The following CNTNAP5 variants were observed in gnomAD, a reference collection of about 807,000 sequenced individuals.
CNTNAP5 encodes the protein contactin associated protein family member 5.
Under a neutral mutation model 150.2 loss-of-function variants are expected in CNTNAP5, and 72 were observed. The observed-to-expected ratio is 0.48, with a 90% CI of 0.40 to 0.58. The LOEUF is 0.58. Ranked by LOEUF, CNTNAP5 falls within the 20% of genes least tolerant of loss-of-function variation. CNTNAP5 has a pLI of 0.00. For missense variants in CNTNAP5, 1,636 were observed against 1,626.2 expected, an observed-to-expected ratio of 1.01 and a Z score of -0.10; for synonymous variants, 672 against 619.8, an observed-to-expected ratio of 1.08 and a Z score of -1.25.
chr2:124,066,852 C>T (rs1034822531), intron 1 of CNTNAP5, among the ~76,000 whole-genome samples: 2 of 152,106 alleles, frequency 1.3e-5, no homozygotes, highest in African/African-American at 4.8e-5. Flanking sequence ...TATATCTATA[C>T]ATGTCAACAT....
intron 16 of CNTNAP5, among the ~76,000 whole-genome samples, chr2:124,764,693 A>G (rs920558240): frequency 6.6e-6 from 1 of 152,188 alleles, no homozygotes. Flanking sequence ...CATATCCTAC[A>G]TATAAACTAT....
chr2:124,431,029 A>G (rs1232149360), intron 4 of CNTNAP5, among the ~76,000 whole-genome samples: 2 of 152,186 alleles, frequency 1.3e-5, no homozygotes, highest in African/African-American at 4.8e-5. Flanking sequence ...CTGGAGCTCA[A>G]AGAAATCAAG....
intron 3 of CNTNAP5, among the ~76,000 whole-genome samples, chr2:124,334,584 A>G (rs1302981350): frequency 6.6e-6 from 1 of 152,168 alleles, no homozygotes; most frequent in Non-Finnish European, 1.5e-5. Flanking sequence ...TTTTAATAAA[A>G]CAGTTTTTTA....
intron 1 of CNTNAP5, among the ~76,000 whole-genome samples, chr2:124,042,816 A>ATCTT (rs1300992908): frequency 6.6e-6 from 1 of 151,014 alleles, no homozygotes; most frequent in Non-Finnish European, 1.5e-5. Context: ...CTATCTATCT[A>ATCTT]TCTATCTATC....
At chr2:124,327,275 C>T (rs760423063) in intron 3 of CNTNAP5, among the ~76,000 whole-genome samples, 17 of 151,834 alleles carry the variant, frequency 1.1e-4, no homozygotes, top group Non-Finnish European at 2.5e-4. Flanking sequence ...CCACTGCGCC[C>T]GGCAGATCCT....
intron 13 of CNTNAP5, among the ~76,000 whole-genome samples, chr2:124,745,785 T>C (rs12468133): frequency 0.26 from 39,036 of 152,050 alleles, 5,664 homozygotes; most frequent in Non-Finnish European, 0.34. Context: ...GGCCCTCTGC[T>C]TCATGAATCA....
chr2:124,913,490 A>G (rs567143485), intron 23 of CNTNAP5, among the ~76,000 whole-genome samples: 5 of 152,106 alleles, frequency 3.3e-5, no homozygotes, highest in African/African-American at 1.2e-4. Context: ...TGAGTTTCTC[A>G]AGAACAGAGG....
intron 1 of CNTNAP5, among the ~76,000 whole-genome samples, chr2:124,212,083 A>G (rs1277887754): frequency 6.6e-6 from 1 of 152,200 alleles, no homozygotes; most frequent in Non-Finnish European, 1.5e-5. Flanking sequence ...GTCTTTACAA[A>G]TTCTTTAGTT....
At chr2:124,168,698 A>G (rs1249571170) in intron 1 of CNTNAP5, among the ~76,000 whole-genome samples, 2 of 152,228 alleles carry the variant, frequency 1.3e-5, no homozygotes, top group Non-Finnish European at 2.9e-5. Flanking sequence ...AGACATTAAC[A>G]TATGTCATCC....
intron 3 of CNTNAP5, among the ~76,000 whole-genome samples, chr2:124,296,169 A>G (rs757312059): frequency 1.3e-5 from 2 of 151,866 alleles, no homozygotes; most frequent in African/African-American, 4.8e-5. Flanking sequence ...TTTTCATGCA[A>G]TGTGTCAAGG....
intron 19 of CNTNAP5, among the ~76,000 whole-genome samples, chr2:124,827,760 T>C (rs1682628888): frequency 1.3e-5 from 2 of 152,232 alleles, no homozygotes; most frequent in African/African-American, 4.8e-5. Context: ...TAGCTCTATG[T>C]TAGGCTCATA....
chr2:124,397,296 G>T (rs1020392230), intron 3 of CNTNAP5, among the ~76,000 whole-genome samples: 1 of 152,188 alleles, frequency 6.6e-6, no homozygotes, highest in African/African-American at 2.4e-5. Context: ...AGTTCTGGAG[G>T]TTGGGAAGTC....
chr2:124,864,446 G>T (rs946978939), intron 19 of CNTNAP5, among the ~76,000 whole-genome samples: 2 of 151,422 alleles, frequency 1.3e-5, no homozygotes, highest in African/African-American at 4.9e-5. Flanking sequence ...TAGAACACTA[G>T]AACTTATTCC....
intron 3 of CNTNAP5, among the ~76,000 whole-genome samples, chr2:124,268,146 G>A (rs1420218391): frequency 2.0e-5 from 3 of 152,184 alleles, no homozygotes; most frequent in Admixed American, 6.5e-5. Context: ...GTTTGTGACT[G>A]TCTGCACTGG....
At chr2:124,721,866 G>T (rs1680056548) in intron 13 of CNTNAP5, among the ~76,000 whole-genome samples, 1 of 152,132 alleles carries the variant, frequency 6.6e-6, no homozygotes, top group African/African-American at 2.4e-5. Context: ...CAGGCTAGCA[G>T]TGCACAAGCA....
chr2:124,561,398 A>G (rs1442196471), intron 10 of CNTNAP5, among the ~76,000 whole-genome samples: 1 of 152,200 alleles, frequency 6.6e-6, no homozygotes, highest in Non-Finnish European at 1.5e-5. Context: ...CCCTCCCAGC[A>G]CAGGCATAGA....
chr2:124,103,048 G>GA (rs1683098371), intron 1 of CNTNAP5, among the ~76,000 whole-genome samples: 1 of 152,056 alleles, frequency 6.6e-6, no homozygotes, highest in Non-Finnish European at 1.5e-5. Context: ...AACAGAGCTG[G>GA]AAAATTCCTC....
At position 124,839,446 on chromosome 2, in the gene CNTNAP5, T is replaced by C. The variant is rs182834873; in HGVS notation, c.3218-25860T>C. Among the ~76,000 whole-genome samples the C allele has an allele frequency of 2.6e-4, 39 of 151,452 alleles. 1 individual carries two copies. The highest frequency in any genetic ancestry group is 4.6e-4 in the Admixed American group (7 of 15,188). The stretch of plus-strand genomic sequence containing the variant: ...CACACACTCTCTCTCTCTCTCTCTC[T>C]CCCTTTCCCCCTCTCTCTTTACTCT... On this transcript the variant is annotated intron_variant, in intron 19 of 23. Transcript: ENST00000682447.
intron 2 of CNTNAP5, among the ~76,000 whole-genome samples, chr2:124,236,236 G>A (rs1686743894): frequency 6.6e-6 from 1 of 152,156 alleles, no homozygotes; most frequent in Non-Finnish European, 1.5e-5. Flanking sequence ...AAAGTGCTAG[G>A]ATTACAGGCG....
Sources: allele counts gnomAD v4.1 joint callset (sites outside exome capture counted in the v4.1 genomes callset), GRCh38; gene constraint gnomAD v4.1.1; transcripts MANE v1.5; gene names NCBI Gene and HGNC (gene_info 2026-07-23, HGNC 2026-07-21).